ACER1: variants seen among roughly 807,000 people sequenced by gnomAD.
ACER1 encodes alkaline ceramidase 1.
In ACER1, 28 loss-of-function variants were observed where a neutral mutation model predicts 24.9. That is an observed-to-expected ratio of 1.13 (90% confidence interval 0.83 to 1.54). The LOEUF (loss-of-function observed/expected upper bound fraction) is 1.54. Among genes scored for constraint, ACER1 ranks in the 40% most tolerant of loss-of-function variants. The pLI is 0.00. For missense variants in ACER1, 352 were observed against 349.3 expected (o/e 1.01, Z -0.06); for synonymous variants, 132 against 131.4 (o/e 1.00, Z -0.03).
At chr19:6,356,571 T>G in the ACER1 span, among the ~76,000 whole-genome samples, 1 of 152,168 alleles carries the variant, frequency 6.6e-6, no homozygotes. Context: ...AAAGCCCTTT[T>G]GCATGCCCTT....
At chr19:6,314,165 T>C (rs114205023) in intron 1 of ACER1, among the ~76,000 whole-genome samples, 2,093 of 150,612 alleles carry the variant, frequency 0.014, 46 homozygotes, top group African/African-American at 0.049. Context: ...TATTTCACAA[T>C]AATGTAAAAC....
At chr19:6,337,952 C>T (rs1309082935), upstream of ACER1, among the ~76,000 whole-genome samples, 3 of 151,752 alleles carry the variant, frequency 2.0e-5, no homozygotes, top group African/African-American at 7.2e-5. Context: ...GCTGGGACTA[C>T]AGGCGTGAGC....
the ACER1 span, among the ~76,000 whole-genome samples, chr19:6,347,083 G>T: frequency 9.2e-6 from 1 of 108,344 alleles, no homozygotes; most frequent in African/African-American, 6.5e-5. Flanking sequence ...CCAACACCAC[G>T]AGTCCCTGTC....
chr19:6,332,903 A>G (rs910883792), intron 1 of ACER1, among the ~76,000 whole-genome samples: 2 of 152,044 alleles, frequency 1.3e-5, no homozygotes, highest in Non-Finnish European at 2.9e-5. Flanking sequence ...TCCTGAGCTC[A>G]GGCAATCCAC....
At chr19:6,330,150 C>A (rs571184823) in intron 1 of ACER1, among the ~76,000 whole-genome samples, 1 of 149,014 alleles carries the variant, frequency 6.7e-6, no homozygotes, top group South Asian at 2.1e-4. Flanking sequence ...GGATTACAGG[C>A]GTGAGCCACC....
intron 1 of ACER1, among the ~76,000 whole-genome samples, chr19:6,324,242 C>T (rs1568312002): frequency 6.6e-6 from 1 of 151,684 alleles, no homozygotes; most frequent in Non-Finnish European, 1.5e-5. Flanking sequence ...TGGGGTTTCA[C>T]CATGTTGGCC....
chr19:6,343,105 C>G, the ACER1 span, among the ~76,000 whole-genome samples: 1 of 152,056 alleles, frequency 6.6e-6, no homozygotes, highest in Non-Finnish European at 1.5e-5. Flanking sequence ...TTGCCGATTC[C>G]GAGTACTGGT....
intron 4 of ACER1, among the ~76,000 whole-genome samples, chr19:6,308,173 G>A (rs1363091038): frequency 6.6e-6 from 1 of 152,072 alleles, no homozygotes; most frequent in Non-Finnish European, 1.5e-5. Flanking sequence ...GGCGGCTCAA[G>A]CCTGTAATCC....
At chr19:6,355,620 T>TG in the ACER1 span, among the ~76,000 whole-genome samples, 2,206 of 102,566 alleles carry the variant, frequency 0.022, 137 homozygotes, top group African/African-American at 0.091. Flanking sequence ...GGGAGGGAGG[T>TG]GGGGGGGGTC....
intron 5 of ACER1, 124 bp downstream of exon 5, chr19:6,307,029 G>C (rs2091555821): frequency 1.3e-6 from 2 of 1,505,384 alleles, no homozygotes; most frequent in East Asian, 4.5e-5. Context: ...CCTACCGCCA[G>C]GTCCCAGTGT....
chr19:6,322,702 T>A (rs903383606), intron 1 of ACER1, among the ~76,000 whole-genome samples: 4 of 152,182 alleles, frequency 2.6e-5, no homozygotes, highest in African/African-American at 9.6e-5. Context: ...CCCACCCAAA[T>A]GTCATCTTAA....
At chr19:6,311,513 G>A (rs1472085314) in intron 3 of ACER1, among the ~76,000 whole-genome samples, 2 of 152,036 alleles carry the variant, frequency 1.3e-5, no homozygotes, top group African/African-American at 4.8e-5. Context: ...CTGCACTCCA[G>A]TGTGGGTGAC....
At chr19:6,330,954 C>T (rs753152222) in intron 1 of ACER1, among the ~76,000 whole-genome samples, 1 of 149,680 alleles carries the variant, frequency 6.7e-6, no homozygotes, top group Non-Finnish European at 1.5e-5. Context: ...CCTGGACTCA[C>T]CAAGTTTAAA....
chr19:6,354,032 A>C, the ACER1 span, among the ~76,000 whole-genome samples: 1 of 151,152 alleles, frequency 6.6e-6, no homozygotes, highest in African/African-American at 2.4e-5. Flanking sequence ...AAATACAAAA[A>C]TTAGCCAGGC....
At chr19:6,347,224 C>CTTTTTT in the ACER1 span, among the ~76,000 whole-genome samples, 1 of 118,788 alleles carries the variant, frequency 8.4e-6, no homozygotes. Flanking sequence ...TTTTCTTTTT[C>CTTTTTT]TTTTTTTTTT....
At chr19:6,341,296 C>T in the ACER1 span, among the ~76,000 whole-genome samples, 5 of 150,116 alleles carry the variant, frequency 3.3e-5, no homozygotes, top group South Asian at 6.3e-4. Context: ...GGCAACAGAG[C>T]GAGACTCCAT....
At chr19:6,311,398 C>T (rs986867469) in intron 3 of ACER1, among the ~76,000 whole-genome samples, 4 of 151,424 alleles carry the variant, frequency 2.6e-5, no homozygotes, top group Non-Finnish European at 5.9e-5. Flanking sequence ...AAAAATTAGC[C>T]GGGTGTGGTG....
At chr19:6,351,275 A>C in the ACER1 span, among the ~76,000 whole-genome samples, 1 of 152,090 alleles carries the variant, frequency 6.6e-6, no homozygotes, top group African/African-American at 2.4e-5. Flanking sequence ...CTGAGGCAGG[A>C]GAATCACTTG....
intron 1 of ACER1, among the ~76,000 whole-genome samples, chr19:6,324,889 AAGGAAGGAAGGAAGGAAGGAAGG>A (rs1568312247): frequency 2.0e-5 from 3 of 150,152 alleles, no homozygotes; most frequent in African/African-American, 7.4e-5. Context: ...GGAAGGAAGG[AAGGAAGGAAGGAAGGAAGGAAGG>A]AGGAAGGAAG....
Sources: gnomAD v4.1 joint callset for allele counts (sites outside exome capture counted in the v4.1 genomes callset) on GRCh38, gnomAD v4.1.1 for gene constraint, MANE v1.5 for transcripts, NCBI Gene and HGNC (gene_info 2026-07-23, HGNC 2026-07-21) for gene names.